Variants in UNC13C observed in about 807,000 individuals in gnomAD.
The protein encoded by UNC13C is protein unc-13 homolog C.
In UNC13C, 174 loss-of-function variants were observed where a neutral mutation model predicts 245.4. The observed-to-expected ratio is 0.71, with a 90% CI of 0.63 to 0.80. The LOEUF is 0.80. Ranked by LOEUF, UNC13C falls within the 30% of genes least tolerant of loss-of-function variation. UNC13C has a pLI of 0.00. For missense variants in UNC13C, 2,829 were observed against 2,602.9 expected, an observed-to-expected ratio of 1.09 and a Z score of -1.89; for synonymous variants, 992 against 895.1, an observed-to-expected ratio of 1.11 and a Z score of -1.93.
At chr15:54,584,378 C>A (rs916656453) in intron 30 of UNC13C, among the ~76,000 whole-genome samples, 1 of 152,114 alleles carries the variant, frequency 6.6e-6, no homozygotes, top group Non-Finnish European at 1.5e-5. Flanking sequence ...TCATTTTATT[C>A]CCTCAGTTTA....
chr15:54,607,644 G>A (rs1566936589), intron 30 of UNC13C, among the ~76,000 whole-genome samples: 1 of 152,160 alleles, frequency 6.6e-6, no homozygotes, highest in Non-Finnish European at 1.5e-5. Context: ...AGTTATGCAG[G>A]CTGTACATGA....
At chr15:53,914,186 T>C in the UNC13C span, 107,891 of 151,686 alleles carry the variant, frequency 0.71, 38,439 homozygotes, top group Admixed American at 0.76. Context: ...GGGCCTATGT[T>C]TCCCTCAGCC....
downstream of UNC13C, chr15:54,632,114 CTTAT>C (rs372772169): frequency 9.2e-5 from 14 of 152,186 alleles, no homozygotes; most frequent in African/African-American, 3.4e-4. Context: ...TCTGTGTGTG[CTTAT>C]TTGACATCCA....
At chr15:54,370,079 C>A (rs1001241875) in intron 17 of UNC13C, among the ~76,000 whole-genome samples, 2 of 152,090 alleles carry the variant, frequency 1.3e-5, no homozygotes, top group South Asian at 4.1e-4. Context: ...GGACTGCTAT[C>A]GAGCCAACGC....
At chr15:54,487,153 A>G (rs1818697081) in intron 19 of UNC13C, among the ~76,000 whole-genome samples, 1 of 152,140 alleles carries the variant, frequency 6.6e-6, no homozygotes, top group African/African-American at 2.4e-5. Context: ...TCTATGAGGT[A>G]TGTCCAACCT....
intron 13 of UNC13C, among the ~76,000 whole-genome samples, chr15:54,314,135 G>C (rs1182014532): frequency 1.3e-5 from 2 of 151,384 alleles, no homozygotes; most frequent in Non-Finnish European, 3.0e-5. Flanking sequence ...GTGATTACCA[G>C]GGTCTTAGGG....
At chr15:54,285,735 A>C (rs1418859769) in intron 10 of UNC13C, among the ~76,000 whole-genome samples, 1 of 152,138 alleles carries the variant, frequency 6.6e-6, no homozygotes, top group African/African-American at 2.4e-5. Context: ...GAAAAAATAT[A>C]AATAATAAAA....
intron 29 of UNC13C, among the ~76,000 whole-genome samples, chr15:54,559,780 G>A (rs2141204878): frequency 6.6e-6 from 1 of 152,054 alleles, no homozygotes; most frequent in Non-Finnish European, 1.5e-5. Flanking sequence ...CAGCATGAGT[G>A]ACCGAAGAGA....
the UNC13C span, among the ~76,000 whole-genome samples, chr15:53,890,369 C>A: frequency 5.9e-5 from 9 of 152,110 alleles, no homozygotes; most frequent in African/African-American, 2.2e-4. Flanking sequence ...TCTCAATCTC[C>A]TGACCTCGTG....
intron 19 of UNC13C, among the ~76,000 whole-genome samples, chr15:54,472,819 C>T (rs897466743): frequency 2.6e-5 from 4 of 151,768 alleles, no homozygotes; most frequent in African/African-American, 9.7e-5. Flanking sequence ...GCTTTCAAGG[C>T]TCTCTTTTTG....
At chr15:54,404,266 C>T (rs2040248564) in intron 18 of UNC13C, among the ~76,000 whole-genome samples, 1 of 152,130 alleles carries the variant, frequency 6.6e-6, no homozygotes, top group South Asian at 2.1e-4. Context: ...TAATACTTCT[C>T]ATTTAATGGA....
chr15:54,067,232 T>C (rs1898118324), intron 2 of UNC13C, among the ~76,000 whole-genome samples: 1 of 152,194 alleles, frequency 6.6e-6, no homozygotes, highest in Non-Finnish European at 1.5e-5. Flanking sequence ...TGTCGTCACA[T>C]AAACATCATC....
the UNC13C span, among the ~76,000 whole-genome samples, chr15:53,928,192 A>G: frequency 6.6e-6 from 1 of 152,192 alleles, no homozygotes; most frequent in African/African-American, 2.4e-5. Flanking sequence ...AGCCCCGAAC[A>G]GAGATATACC....
At chr15:53,840,596 A>G in the UNC13C span, among the ~76,000 whole-genome samples, 1 of 152,176 alleles carries the variant, frequency 6.6e-6, no homozygotes, top group Non-Finnish European at 1.5e-5. Context: ...CATAGTAAGC[A>G]GCAAATGGTT....
intron 13 of UNC13C, among the ~76,000 whole-genome samples, chr15:54,313,946 C>T (rs201326133): frequency 6.1e-4 from 84 of 136,646 alleles, no homozygotes; most frequent in African/African-American, 2.4e-3. Context: ...TACTTTTAGC[C>T]TTAAAAAAAA....
In UNC13C at chr15:54,015,182, A is replaced by G. The variant is rs758164478; in HGVS notation, c.2279A>G (p.Tyr760Cys). The change falls in exon 2 of 33, where the codon TAT (tyrosine) becomes TGT (cysteine). Residue 760 changes from tyrosine (Y) to cysteine (C), a missense_variant. Transcript: ENST00000260323. ...YQNQNQLSMM[Y>C]RSQSELQSDD... is the part of the protein sequence containing the mutation. ...AATCAAAACCAGTTGTCCATGATGT[A>G]TCGAAGTCAAAGTGAATTGCAAAGT... The G allele has an allele frequency of 6.2e-7, 1 of 1,612,940 alleles. No homozygotes were observed. The highest frequency in any genetic ancestry group is 1.1e-5 in the South Asian group (1 of 90,870).
chr15:54,113,632 G>A (rs999046375), intron 2 of UNC13C, among the ~76,000 whole-genome samples: 8 of 152,056 alleles, frequency 5.3e-5, no homozygotes, highest in South Asian at 4.2e-4. Context: ...CAAGATCATC[G>A]TACCTAATAC....
At chr15:53,972,985 A>G in the UNC13C span, among the ~76,000 whole-genome samples, 1 of 152,052 alleles carries the variant, frequency 6.6e-6, no homozygotes, top group Non-Finnish European at 1.5e-5. Context: ...ATGAATTATT[A>G]AGATTATAGT....
chr15:53,988,465 T>A (rs1030466828), intron 1 of UNC13C, among the ~76,000 whole-genome samples: 2 of 151,886 alleles, frequency 1.3e-5, no homozygotes, highest in African/African-American at 4.8e-5. Flanking sequence ...AGCCTTTGGG[T>A]ACTTTGCTAG....
Sources: gnomAD v4.1 joint callset for allele counts (sites outside exome capture counted in the v4.1 genomes callset) on GRCh38, gnomAD v4.1.1 for gene constraint, MANE v1.5 for transcripts, NCBI Gene and HGNC (gene_info 2026-07-23, HGNC 2026-07-21) for gene names.